GPC5: variants seen among roughly 807,000 people sequenced by gnomAD.
GPC5 encodes glypican 5.
Under a neutral mutation model 53.9 loss-of-function variants are expected in GPC5, and 47 were observed. That is an observed-to-expected ratio of 0.87 (90% CI 0.69 to 1.11). The LOEUF (loss-of-function observed/expected upper bound fraction) is 1.11. Among genes scored for constraint, GPC5 ranks in the 50% most tolerant of loss-of-function variants. The pLI is 0.00. For synonymous variants in GPC5, 286 were observed against 263.3 expected (o/e 1.09, Z -0.84); for missense variants, 748 against 713.1 (o/e 1.05, Z -0.56).
chr13:91,830,564 G>C (rs562793899), intron 5 of GPC5, among the ~76,000 whole-genome samples: 1 of 151,808 alleles, frequency 6.6e-6, no homozygotes, highest in East Asian at 1.9e-4. Flanking sequence ...TTGCAGTAAA[G>C]ACAGGCATAG....
chr13:92,792,260 T>C (rs886815799), intron 7 of GPC5, among the ~76,000 whole-genome samples: 2 of 152,120 alleles, frequency 1.3e-5, no homozygotes, highest in Non-Finnish European at 2.9e-5. Flanking sequence ...AATATTCACA[T>C]TCTTAAAAAG....
At chr13:92,633,806 T>C (rs1409223470) in intron 7 of GPC5, among the ~76,000 whole-genome samples, 1 of 152,140 alleles carries the variant, frequency 6.6e-6, no homozygotes, top group Admixed American at 6.5e-5. Flanking sequence ...TTTGTTTCCT[T>C]GTTAATGAGA....
chr13:91,827,399 A>G (rs1456136696), intron 5 of GPC5, among the ~76,000 whole-genome samples: 1 of 151,946 alleles, frequency 6.6e-6, no homozygotes, highest in African/African-American at 2.4e-5. Flanking sequence ...CACGAATTGG[A>G]ATAAATATGC....
At chr13:92,636,209 A>G (rs1339968413) in intron 7 of GPC5, among the ~76,000 whole-genome samples, 1 of 152,216 alleles carries the variant, frequency 6.6e-6, no homozygotes, top group African/African-American at 2.4e-5. Flanking sequence ...AAGCATTTGT[A>G]AGAAATCAAG....
At chr13:92,148,655 G>T (rs2041885384) in intron 7 of GPC5, among the ~76,000 whole-genome samples, 1 of 151,990 alleles carries the variant, frequency 6.6e-6, no homozygotes, top group South Asian at 2.1e-4. Context: ...CTAGTAACCT[G>T]GGGTTGCAGG....
At chr13:92,443,669 G>A (rs1465901514) in intron 7 of GPC5, among the ~76,000 whole-genome samples, 1 of 152,184 alleles carries the variant, frequency 6.6e-6, no homozygotes, top group Admixed American at 6.5e-5. Context: ...AAGGGGCAAG[G>A]TAGTAATGAT....
chr13:92,304,290 C>T (rs2043095908), intron 7 of GPC5, among the ~76,000 whole-genome samples: 1 of 151,850 alleles, frequency 6.6e-6, no homozygotes, highest in Non-Finnish European at 1.5e-5. Flanking sequence ...CTGCAAGCTC[C>T]ACCTCCTGGG....
intron 7 of GPC5, among the ~76,000 whole-genome samples, chr13:92,529,163 G>A (rs929707002): frequency 2.0e-5 from 3 of 152,188 alleles, no homozygotes; most frequent in Non-Finnish European, 4.4e-5. Flanking sequence ...GATATGTAAT[G>A]CAGATTAGGA....
chr13:92,116,503 A>G (rs957350140), intron 6 of GPC5, among the ~76,000 whole-genome samples: 2 of 152,214 alleles, frequency 1.3e-5, no homozygotes, highest in Admixed American at 1.3e-4. Flanking sequence ...GTGTTTGTTT[A>G]TTAATAAAAG....
intron 7 of GPC5, among the ~76,000 whole-genome samples, chr13:92,542,579 G>C (rs1881966452): frequency 6.6e-6 from 1 of 151,922 alleles, no homozygotes; most frequent in African/African-American, 2.4e-5. Context: ...CTACCAATGA[G>C]TTTTATATAC....
intron 7 of GPC5, among the ~76,000 whole-genome samples, chr13:92,417,190 G>GAATTTTTTCCAAAA (rs1876347986): frequency 6.6e-6 from 1 of 152,240 alleles, no homozygotes; most frequent in South Asian, 2.1e-4. Flanking sequence ...CAAAAGACCT[G>GAATTTTTTCCAAAA]AATTTTTTCC....
At chr13:91,675,008 C>T (rs1425484458) in intron 2 of GPC5, among the ~76,000 whole-genome samples, 2 of 151,696 alleles carry the variant, frequency 1.3e-5, no homozygotes, top group Non-Finnish European at 2.9e-5. Flanking sequence ...AGACCTTGCC[C>T]TTTGCAATCA....
intron 2 of GPC5, among the ~76,000 whole-genome samples, chr13:91,518,078 T>C (rs917830957): frequency 2.0e-5 from 3 of 152,236 alleles, no homozygotes; most frequent in Admixed American, 1.3e-4. Context: ...CACACTGTTA[T>C]AGGGTCCTTT....
chr13:92,613,974 G>A (rs2139102850), intron 7 of GPC5, among the ~76,000 whole-genome samples: 1 of 152,126 alleles, frequency 6.6e-6, no homozygotes, highest in African/African-American at 2.4e-5. Context: ...TATTCAGTAT[G>A]CCTAGAATTT....
intron 7 of GPC5, among the ~76,000 whole-genome samples, chr13:92,237,410 G>A (rs1456990902): frequency 6.6e-6 from 1 of 151,962 alleles, no homozygotes; most frequent in African/African-American, 2.4e-5. Context: ...AGTAAGGATG[G>A]GGTTTCACCA....
At chr13:91,883,553 C>T (rs2039290194) in intron 5 of GPC5, among the ~76,000 whole-genome samples, 1 of 152,136 alleles carries the variant, frequency 6.6e-6, no homozygotes. Flanking sequence ...AGAGAGAACA[C>T]AGCTTGGGCA....
At chr13:92,270,933 T>C (rs1326299902) in intron 7 of GPC5, among the ~76,000 whole-genome samples, 2 of 152,208 alleles carry the variant, frequency 1.3e-5, no homozygotes, top group African/African-American at 4.8e-5. Context: ...CTATTTTATT[T>C]TTGTTGGCTT....
At chr13:92,340,767 G>A (rs944327110) in intron 7 of GPC5, among the ~76,000 whole-genome samples, 3 of 152,086 alleles carry the variant, frequency 2.0e-5, no homozygotes, top group African/African-American at 7.2e-5. Flanking sequence ...TTTTAAAAGA[G>A]CCTAAATATT....
chr13:92,160,589 GA>G (rs1282583026), intron 7 of GPC5, among the ~76,000 whole-genome samples: 1 of 152,124 alleles, frequency 6.6e-6, no homozygotes, highest in Non-Finnish European at 1.5e-5. Context: ...ATCATCCCTT[GA>G]ACCATTAAGT....
Sources: gnomAD v4.1 joint callset for allele counts (sites outside exome capture counted in the v4.1 genomes callset) on GRCh38, gnomAD v4.1.1 for gene constraint, MANE v1.5 for transcripts, NCBI Gene and HGNC (gene_info 2026-07-23, HGNC 2026-07-21) for gene names.